The following EDIL3 variants were observed in gnomAD, a reference collection of about 807,000 sequenced individuals.
EDIL3 encodes the protein EGF-like repeat and discoidin I-like domain-containing protein 3.
In EDIL3, 37 loss-of-function variants were observed where a neutral mutation model predicts 67.4. The ratio of observed to expected loss-of-function variants is 0.55; its 90% confidence interval spans 0.42 to 0.72. EDIL3 has a LOEUF of 0.72. Among genes scored for constraint, EDIL3 ranks in the 30% least tolerant of loss-of-function variants. The pLI, the probability that EDIL3 is intolerant of heterozygous loss-of-function variation, is 0.00. For missense variants in EDIL3, 527 were observed against 586.3 expected (o/e 0.90, Z 1.04); for synonymous variants, 195 against 196.3 (o/e 0.99, Z 0.05).
At chr5:84,190,847 T>C (rs1743571597) in intron 3 of EDIL3, among the ~76,000 whole-genome samples, 1 of 151,910 alleles carries the variant, frequency 6.6e-6, no homozygotes, top group Non-Finnish European at 1.5e-5. Flanking sequence ...AATTATAAAT[T>C]AGTTTTGCAT....
intron 1 of EDIL3, among the ~76,000 whole-genome samples, chr5:84,317,674 G>C (rs1224840013): frequency 6.6e-6 from 1 of 151,978 alleles, no homozygotes; most frequent in Non-Finnish European, 1.5e-5. Context: ...AAAATAAAAA[G>C]AGCTATTTAT....
chr5:84,265,566 C>A (rs1020404188), intron 1 of EDIL3, among the ~76,000 whole-genome samples: 1 of 152,126 alleles, frequency 6.6e-6, no homozygotes, highest in Non-Finnish European at 1.5e-5. Flanking sequence ...AACGTTTTCA[C>A]ATGAAGACAA....
At chr5:84,303,846 GTGTT>G (rs1212385928) in intron 1 of EDIL3, among the ~76,000 whole-genome samples, 15 of 146,058 alleles carry the variant, frequency 1.0e-4, no homozygotes, top group Admixed American at 2.0e-4. Context: ...GTGTGTGTGT[GTGTT>G]TGTGTGTGTG....
At chr5:84,108,318 A>T (rs80086893) in intron 5 of EDIL3, among the ~76,000 whole-genome samples, 1 of 152,082 alleles carries the variant, frequency 6.6e-6, no homozygotes, top group African/African-American at 2.4e-5. Flanking sequence ...ATAAGTAATC[A>T]TCTTAATCAG....
intron 6 of EDIL3, among the ~76,000 whole-genome samples, chr5:84,100,903 C>T (rs1414117586): frequency 6.6e-6 from 1 of 151,884 alleles, no homozygotes; most frequent in Non-Finnish European, 1.5e-5. Flanking sequence ...TATATTATTA[C>T]TATTAGAAAA....
At chr5:84,230,400 T>C (rs1580388200) in intron 2 of EDIL3, among the ~76,000 whole-genome samples, 1 of 151,824 alleles carries the variant, frequency 6.6e-6, no homozygotes, top group South Asian at 2.1e-4. Flanking sequence ...CAAAATCACT[T>C]TGGACTTTTC....
At chr5:83,963,182 A>G (rs1448038347) in intron 10 of EDIL3, 23 bp downstream of exon 10, 5 of 1,582,976 alleles carry the variant, frequency 3.2e-6, no homozygotes, top group Non-Finnish European at 4.3e-6. Context: ...TCTGAACTTT[A>G]TAAACCGATT....
chr5:84,217,023 A>AT lies in EDIL3; in HGVS notation c.226+12831dup, dbSNP rs551250467. ...CTGAAGGCCCATGGCATTTTATCTT[A>AT]TCCATCCTATCCAGAAAGTTGAATG... On this transcript the variant is annotated intron_variant, in intron 3 of 10. Coordinates refer to ENST00000296591, the MANE Select transcript of EDIL3 (RefSeq NM_005711.5). 3.3e-5 allele frequency among the ~76,000 whole-genome samples: 5 copies of AT among 152,262 alleles called. No homozygotes were observed. The South Asian group carries it at 1.0e-3, about 32-fold the overall frequency.
At chr5:84,219,489 C>T (rs1262044518) in intron 3 of EDIL3, among the ~76,000 whole-genome samples, 2 of 151,962 alleles carry the variant, frequency 1.3e-5, no homozygotes, top group African/African-American at 4.8e-5. Flanking sequence ...GAAAGGCAAC[C>T]CTTGTATTAT....
chr5:84,113,994 G>A (rs1222035380), intron 5 of EDIL3, among the ~76,000 whole-genome samples: 2 of 152,074 alleles, frequency 1.3e-5, no homozygotes, highest in African/African-American at 4.8e-5. Flanking sequence ...TCAAATGTAA[G>A]CTTTCCTCTG....
intron 9 of EDIL3, among the ~76,000 whole-genome samples, chr5:84,018,984 T>A (rs547456823): frequency 6.6e-6 from 1 of 152,182 alleles, no homozygotes; most frequent in African/African-American, 2.4e-5. Context: ...GAAGTCGGTG[T>A]GGCAATTCCT....
intron 1 of EDIL3, among the ~76,000 whole-genome samples, chr5:84,269,406 A>G (rs1459199006): frequency 8.3e-6 from 1 of 120,288 alleles, no homozygotes; most frequent in Non-Finnish European, 1.7e-5. Context: ...CCTTAGACAT[A>G]GACATATCAT....
At chr5:84,334,411 G>A (rs950610648) in intron 1 of EDIL3, among the ~76,000 whole-genome samples, 1 of 152,060 alleles carries the variant, frequency 6.6e-6, no homozygotes, top group Non-Finnish European at 1.5e-5. Flanking sequence ...CTGAAAAAAT[G>A]AAAAGTTTGT....
At chr5:84,005,605 G>A (rs2112174214) in intron 9 of EDIL3, among the ~76,000 whole-genome samples, 1 of 152,026 alleles carries the variant, frequency 6.6e-6, no homozygotes, top group Admixed American at 6.6e-5. Flanking sequence ...TGCAGAAAAG[G>A]GTTTGATAAA....
chr5:84,348,226 C>A (rs1314492110), intron 1 of EDIL3, among the ~76,000 whole-genome samples: 1 of 152,154 alleles, frequency 6.6e-6, no homozygotes, highest in Non-Finnish European at 1.5e-5. Flanking sequence ...AGTATTTATA[C>A]AGCAAGTCCC....
intron 9 of EDIL3, among the ~76,000 whole-genome samples, chr5:83,966,530 C>T (rs1744694312): frequency 6.6e-6 from 1 of 151,984 alleles, no homozygotes; most frequent in African/African-American, 2.4e-5. Flanking sequence ...GCAAAAAATC[C>T]TCTCCAATCT....
intron 1 of EDIL3, among the ~76,000 whole-genome samples, chr5:84,273,716 A>G (rs2112099086): frequency 6.6e-6 from 1 of 152,268 alleles, no homozygotes; most frequent in Admixed American, 6.5e-5. Flanking sequence ...TTTTCACTTC[A>G]TTAATGTTTC....
Position 84,352,644 on chromosome 5 carries a change from G to A in EDIL3, c.67+31664C>T, listed in dbSNP as rs147562892. Among the ~76,000 whole-genome samples the A allele has an allele frequency of 6.9e-3, 1,048 of 152,208 alleles. 8 individuals carry two copies. Among genetic ancestry groups the A allele is most frequent in the African/African-American group, 0.023 (973 of 41,520 alleles). ...AGATATTAGAGATTCCAAATGGTGG[G>A]AGGGTAGAAGGAGAGTGATAGAAGA... is the stretch of plus-strand genomic sequence containing the variant. On this transcript the variant is annotated intron_variant, in intron 1 of 10. Coordinates refer to ENST00000296591, the MANE Select transcript of EDIL3 (RefSeq NM_005711.5).
At chr5:84,027,488 T>C (rs1580286479) in intron 9 of EDIL3, among the ~76,000 whole-genome samples, 1 of 152,200 alleles carries the variant, frequency 6.6e-6, no homozygotes, top group African/African-American at 2.4e-5. Context: ...CTGGAAGGTA[T>C]AGCATAGTTC....
Sources: gnomAD v4.1 joint callset for allele counts (sites outside exome capture counted in the v4.1 genomes callset) on GRCh38, gnomAD v4.1.1 for gene constraint, MANE v1.5 for transcripts, NCBI Gene and HGNC (gene_info 2026-07-23, HGNC 2026-07-21) for gene names.